The following TRPS1 variants were observed in gnomAD, a reference collection of about 807,000 sequenced individuals.
TRPS1 encodes zinc finger transcription factor Trps1.
A neutral mutation model predicts 101.2 loss-of-function variants in TRPS1; 6 were observed. That is an observed-to-expected ratio of 0.06 (90% CI 0.03 to 0.12). TRPS1 has a LOEUF of 0.12. Among genes scored for constraint, TRPS1 ranks in the 10% least tolerant of loss-of-function variants. The probability of loss-of-function intolerance (pLI) is 1.00; values close to 1 mark genes in which losing one functional copy is unlikely to be tolerated. For synonymous variants in TRPS1, 578 were observed against 589.8 expected, an observed-to-expected ratio of 0.98 and a Z score of 0.29; for missense variants, 1,363 against 1,567.0, an observed-to-expected ratio of 0.87 and a Z score of 2.20.
At chr8:115,636,936 CA>C (rs56410624) in intron 1 of TRPS1, among the ~76,000 whole-genome samples, 66,320 of 147,026 alleles carry the variant, frequency 0.45, 18,823 homozygotes, top group African/African-American at 0.81. Flanking sequence ...ACAAAAAAAG[CA>C]AAAAAAAAAC....
chr8:115,562,152 T>C (rs1816960378), intron 5 of TRPS1, among the ~76,000 whole-genome samples: 1 of 152,072 alleles, frequency 6.6e-6, no homozygotes, highest in Admixed American at 6.6e-5. Flanking sequence ...AATTTCACCC[T>C]CTTAACAAAC....
chr8:115,664,510 G>A (rs531275146), intron 1 of TRPS1, among the ~76,000 whole-genome samples: 1 of 152,100 alleles, frequency 6.6e-6, no homozygotes, highest in East Asian at 1.9e-4. Context: ...CAAAGTAAAC[G>A]CAAGTCTACG....
intron 5 of TRPS1, among the ~76,000 whole-genome samples, chr8:115,584,025 C>T (rs1817511671): frequency 6.6e-6 from 1 of 151,666 alleles, no homozygotes; most frequent in African/African-American, 2.4e-5. Flanking sequence ...ATTGCTAAAA[C>T]CAGTTTAAAA....
intron 5 of TRPS1, among the ~76,000 whole-genome samples, chr8:115,568,558 T>G (rs1216642218): frequency 6.6e-6 from 1 of 152,170 alleles, no homozygotes; most frequent in Non-Finnish European, 1.5e-5. Context: ...TTTGAAAAGT[T>G]GATATTTTAT....
chr8:115,507,891 T>C (rs1815486427), intron 5 of TRPS1, among the ~76,000 whole-genome samples: 1 of 152,066 alleles, frequency 6.6e-6, no homozygotes, highest in East Asian at 1.9e-4. Flanking sequence ...AGTCACTAAA[T>C]TGTACTGTCA....
chr8:115,490,101 G>C (rs150444427), intron 5 of TRPS1, among the ~76,000 whole-genome samples: 1 of 152,088 alleles, frequency 6.6e-6, no homozygotes, highest in East Asian at 1.9e-4. Context: ...TTTTATAATA[G>C]ATATCAGTGC....
At chr8:115,645,645 A>C (rs1325383853) in intron 1 of TRPS1, among the ~76,000 whole-genome samples, 1 of 152,202 alleles carries the variant, frequency 6.6e-6, no homozygotes, top group African/African-American at 2.4e-5. Flanking sequence ...TACAAGAGGA[A>C]ATCCCTGGGT....
intron 5 of TRPS1, among the ~76,000 whole-genome samples, chr8:115,517,407 TA>T (rs1207903905): frequency 6.6e-6 from 1 of 151,532 alleles, no homozygotes; most frequent in Non-Finnish European, 1.5e-5. Context: ...GTTGGGAACT[TA>T]TTCCTCATGC....
chr8:115,597,568 T>C (rs1412071017), intron 4 of TRPS1, among the ~76,000 whole-genome samples: 1 of 152,140 alleles, frequency 6.6e-6, no homozygotes, highest in Non-Finnish European at 1.5e-5. Flanking sequence ...TGTATATTTT[T>C]ATCAAATCAG....
At chr8:115,458,518 C>T (rs1274618743) in intron 5 of TRPS1, among the ~76,000 whole-genome samples, 2 of 152,166 alleles carry the variant, frequency 1.3e-5, no homozygotes, top group Non-Finnish European at 2.9e-5. Context: ...GGTTTGGATG[C>T]ATCCTACTGA....
intron 5 of TRPS1, among the ~76,000 whole-genome samples, chr8:115,435,508 G>A (rs1254870911): frequency 2.0e-5 from 3 of 152,126 alleles, no homozygotes; most frequent in East Asian, 3.8e-4. Flanking sequence ...GAAGAGGTGG[G>A]GTACTCGGGG....
chr8:115,558,976 G>T (rs1045438646), intron 5 of TRPS1, among the ~76,000 whole-genome samples: 4 of 152,046 alleles, frequency 2.6e-5, no homozygotes, highest in Admixed American at 2.6e-4. Context: ...CAGAATACCC[G>T]TGGTTATCAG....
intron 1 of TRPS1, among the ~76,000 whole-genome samples, chr8:115,666,234 T>C (rs1252258286): frequency 2.0e-5 from 3 of 152,040 alleles, no homozygotes; most frequent in African/African-American, 7.2e-5. Context: ...TAAGAATATG[T>C]TTGACTTGTT....
At chr8:115,473,120 T>G (rs1258683240) in intron 5 of TRPS1, among the ~76,000 whole-genome samples, 1 of 152,218 alleles carries the variant, frequency 6.6e-6, no homozygotes, top group East Asian at 1.9e-4. Context: ...ACTCTACTGG[T>G]ACCAATTTAC....
intron 5 of TRPS1, among the ~76,000 whole-genome samples, chr8:115,535,685 C>A (rs1816301737): frequency 6.6e-6 from 1 of 150,782 alleles, no homozygotes; most frequent in East Asian, 1.9e-4. Flanking sequence ...CACGGTGAAA[C>A]CCCATCTCTA....
At chr8:115,527,608 A>G (rs1586366391) in intron 5 of TRPS1, among the ~76,000 whole-genome samples, 1 of 152,192 alleles carries the variant, frequency 6.6e-6, no homozygotes, top group African/African-American at 2.4e-5. Flanking sequence ...ACTAATGGGC[A>G]ATTTATAATA....
chr8:115,583,698 A>G (rs959789999), intron 5 of TRPS1, among the ~76,000 whole-genome samples: 1 of 152,062 alleles, frequency 6.6e-6, no homozygotes, highest in Non-Finnish European at 1.5e-5. Flanking sequence ...AGCAATTTAT[A>G]AGATCAAGTT....
intron 5 of TRPS1, among the ~76,000 whole-genome samples, chr8:115,429,587 A>G (rs902782774): frequency 6.6e-6 from 1 of 152,182 alleles, no homozygotes; most frequent in African/African-American, 2.4e-5. Flanking sequence ...CAAAAGGAAC[A>G]GTTAAAGCTG....
intron 5 of TRPS1, among the ~76,000 whole-genome samples, chr8:115,465,656 A>G (rs910323810): frequency 2.0e-5 from 3 of 152,144 alleles, no homozygotes; most frequent in Non-Finnish European, 4.4e-5. Flanking sequence ...GAACTGAATC[A>G]CTGCACTATT....
Sources: allele counts gnomAD v4.1 joint callset (sites outside exome capture counted in the v4.1 genomes callset), GRCh38; gene constraint gnomAD v4.1.1; transcripts MANE v1.5; gene names NCBI Gene and HGNC (gene_info 2026-07-23, HGNC 2026-07-21).